Variants in RAPGEF4 observed in about 807,000 individuals in gnomAD.
The protein encoded by RAPGEF4 is RAP guanine-nucleotide-exchange factor (GEF) 4.
Under a neutral mutation model 147.9 loss-of-function variants are expected in RAPGEF4, and 66 were observed. The observed-to-expected ratio is 0.45, with a 90% CI of 0.37 to 0.55. The LOEUF (loss-of-function observed/expected upper bound fraction) is 0.55, where lower values mean the gene tolerates loss of function less well. Ranked by LOEUF, RAPGEF4 falls within the 20% of genes least tolerant of loss-of-function variation. The pLI is 0.00. For synonymous variants in RAPGEF4, 419 were observed against 442.7 expected (o/e 0.95, Z 0.67); for missense variants, 1,071 against 1,257.3 (o/e 0.85, Z 2.24).
intron 1 of RAPGEF4, among the ~76,000 whole-genome samples, chr2:172,737,202 A>T (rs1404264407): frequency 6.6e-6 from 1 of 152,228 alleles, no homozygotes; most frequent in African/African-American, 2.4e-5. Context: ...ATTTTTTGGC[A>T]GGTAGTGCCC....
At chr2:172,792,129 G>C (rs1047181716) in intron 1 of RAPGEF4, among the ~76,000 whole-genome samples, 2 of 152,174 alleles carry the variant, frequency 1.3e-5, no homozygotes, top group African/African-American at 4.8e-5. Context: ...CTGACTCCCT[G>C]CTGGCACCAG....
At position 172,911,217 on chromosome 2, in the gene RAPGEF4, C is replaced by A. The variant is rs769593456; in HGVS notation, c.445-6585C>A. 2.4e-4 allele frequency among the ~76,000 whole-genome samples: 37 copies of A among 152,196 alleles called. 1 individual carries two copies. The highest frequency in any genetic ancestry group is 2.4e-3 in the Admixed American group (37 of 15,278). ...TCTTAGGTACAGTTCCCTGATGATG[C>A]TTCTTCTCAATCTCAGACCTATGAA... On this transcript the variant is annotated intron_variant, in intron 4 of 30. Transcript: ENST00000397081.
intron 4 of RAPGEF4, among the ~76,000 whole-genome samples, chr2:172,907,630 C>T (rs1174117756): frequency 6.6e-6 from 1 of 152,116 alleles, no homozygotes; most frequent in African/African-American, 2.4e-5. Context: ...TTCTTATTTT[C>T]CCACAGGTCC....
Position 172,916,072 on chromosome 2 carries a change from G to A in RAPGEF4, c.445-1730G>A, listed in dbSNP as rs376195013. 9.5e-4 allele frequency among the ~76,000 whole-genome samples: 144 copies of A among 152,266 alleles called. No homozygotes were observed. In the South Asian group the frequency reaches 0.017, roughly 18 times the overall value. On this transcript the variant is annotated intron_variant, in intron 4 of 30. Coordinates refer to ENST00000397081, the MANE Select transcript of RAPGEF4 (RefSeq NM_007023.4). The stretch of plus-strand genomic sequence containing the variant: ...TCCAGCCCACACACTCCTGCCCACA[G>A]GGCTGCTCTAGTTTCTGTTCCCACT...
At chr2:172,924,238 C>T (rs865775794) in intron 6 of RAPGEF4, among the ~76,000 whole-genome samples, 17 of 152,324 alleles carry the variant, frequency 1.1e-4, no homozygotes, top group Middle Eastern at 3.4e-3. Flanking sequence ...AGGAAGTGGT[C>T]GCTCTTGGGC....
chr2:172,913,926 T>C (rs1222534689), intron 4 of RAPGEF4, among the ~76,000 whole-genome samples: 2 of 152,216 alleles, frequency 1.3e-5, no homozygotes, highest in Non-Finnish European at 1.5e-5. Flanking sequence ...TACTTTCTTG[T>C]AGATAGCTAC....
chr2:172,824,873 CAA>C, intron 4 of RAPGEF4, among the ~76,000 whole-genome samples: 1 of 152,188 alleles, frequency 6.6e-6, no homozygotes, highest in African/African-American at 2.4e-5. Context: ...GGGAGGCTCT[CAA>C]CTATCCCCAG....
intron 4 of RAPGEF4, among the ~76,000 whole-genome samples, chr2:172,835,985 T>C (rs971264758): frequency 3.9e-5 from 6 of 152,198 alleles, no homozygotes; most frequent in Non-Finnish European, 8.8e-5. Flanking sequence ...TGGCTTTTTG[T>C]TCCTGACTTT....
rs554868959 is a variant in RAPGEF4, at chr2:172,959,684, A to G, written c.538-1076A>G. Among the ~76,000 whole-genome samples, 48 of 152,328 alleles carry G rather than the reference A, an allele frequency of 3.2e-4. 2 individuals are homozygous for G. In the South Asian group the frequency reaches 1.0e-2, roughly 32 times the overall value. The stretch of plus-strand genomic sequence containing the variant: ...CTCCACCGTTTGGAATATCATTACC[A>G]GATTATTTCAGAGCAAGAAAACGAA... On this transcript the variant is annotated intron_variant, in intron 6 of 30. Coordinates refer to ENST00000397081, the MANE Select transcript of RAPGEF4 (RefSeq NM_007023.4).
Position 173,052,783 on chromosome 2 carries a change from T to A in RAPGEF4, c.*1016T>A, listed in dbSNP as rs539105000. 6 of 152,694 alleles carry A rather than the reference T, an allele frequency of 3.9e-5. No individual in the cohort carries two copies. Among genetic ancestry groups the A allele is most frequent in the African/African-American group, 1.2e-4 (5 of 41,568 alleles). 9.5% of individuals were successfully genotyped at this position (152,694 alleles called of 1,614,324 possible). A position where few individuals can be genotyped will look rare whatever the true frequency, so the allele number is the denominator to read the frequency against. On this transcript the variant is annotated 3_prime_UTR_variant, in exon 31 of 31. Transcript: ENST00000397081. ...TTTAGTACGTAATTTTGAAGTACATTTTTTCCTGTTTTCACAATTAGACTA... is the reference window on the plus strand; with the variant it reads ...TTTAGTACGTAATTTTGAAGTACATATTTTCCTGTTTTCACAATTAGACTA...
intron 4 of RAPGEF4, among the ~76,000 whole-genome samples, chr2:172,914,136 T>G (rs1309949312): frequency 1.3e-5 from 2 of 152,090 alleles, no homozygotes; most frequent in African/African-American, 4.8e-5. Context: ...AAATAACCCA[T>G]CATCGTCTCA....
At chr2:172,915,060 C>T (rs1485323768) in intron 4 of RAPGEF4, among the ~76,000 whole-genome samples, 1 of 152,126 alleles carries the variant, frequency 6.6e-6, no homozygotes, top group Admixed American at 6.5e-5. Context: ...CTGCAGGGTG[C>T]TACATAAGAA....
chr2:173,026,938 T>C, intron 24 of RAPGEF4, 143 bp from the exon 25 acceptor site: 2 of 850,076 alleles, frequency 2.4e-6, no homozygotes, highest in South Asian at 2.0e-5. Context: ...TATTTATATA[T>C]TTAACAAACC....
chr2:173,043,461 C>T (rs912660148), intron 29 of RAPGEF4, among the ~76,000 whole-genome samples: 2 of 152,158 alleles, frequency 1.3e-5, no homozygotes, highest in Non-Finnish European at 1.5e-5. Flanking sequence ...TGTCTGGGAG[C>T]GGGAGGTCCT....
chr2:172,945,971 A>G (rs1345120799), intron 6 of RAPGEF4, among the ~76,000 whole-genome samples: 1 of 152,182 alleles, frequency 6.6e-6, no homozygotes, highest in African/African-American at 2.4e-5. Context: ...ACTTCAGGGA[A>G]TTGATTCTGA....
At chr2:172,941,761 T>G (rs939774303) in intron 6 of RAPGEF4, among the ~76,000 whole-genome samples, 2 of 152,152 alleles carry the variant, frequency 1.3e-5, no homozygotes, top group African/African-American at 4.8e-5. Context: ...TTCTTAGCTA[T>G]GTGGGCTTGA....
At chr2:172,870,726 T>G (rs547272073) in intron 4 of RAPGEF4, among the ~76,000 whole-genome samples, 13 of 152,332 alleles carry the variant, frequency 8.5e-5, no homozygotes, top group Admixed American at 3.9e-4. Flanking sequence ...GTGAGATTAC[T>G]TATCTTTATG....
intron 4 of RAPGEF4, among the ~76,000 whole-genome samples, chr2:172,864,030 G>A (rs1694338289): frequency 6.6e-6 from 1 of 152,326 alleles, no homozygotes; most frequent in East Asian, 1.9e-4. Flanking sequence ...AAGATGATAT[G>A]TATGGGTTGT....
chr2:172,805,254 C>T (rs551828418), intron 3 of RAPGEF4, among the ~76,000 whole-genome samples: 59 of 152,280 alleles, frequency 3.9e-4, no homozygotes, highest in African/African-American at 1.4e-3. Context: ...GTCTGCCTCT[C>T]GGAGACCCTC....
Sources: gnomAD v4.1 joint callset for allele counts (sites outside exome capture counted in the v4.1 genomes callset) on GRCh38, gnomAD v4.1.1 for gene constraint, MANE v1.5 for transcripts, NCBI Gene and HGNC (gene_info 2026-07-23, HGNC 2026-07-21) for gene names.